CBLN2: variants seen among roughly 807,000 people sequenced by gnomAD.
CBLN2 encodes the protein cerebellin-2.
In CBLN2, 7 loss-of-function variants were observed where a neutral mutation model predicts 15.0. The ratio of observed to expected loss-of-function variants is 0.47; its 90% CI spans 0.27 to 0.88. The LOEUF (loss-of-function observed/expected upper bound fraction) is 0.88, where lower values mean the gene tolerates loss of function less well. CBLN2 is among the 40% of genes least tolerant of loss of function. CBLN2 has a pLI of 0.14. For missense variants in CBLN2, 242 were observed against 304.5 expected (o/e 0.79, Z 1.53); for synonymous variants, 149 against 135.2 (o/e 1.10, Z -0.71).
chr18:72,595,706 G>A (rs764705733), intron 1 of CBLN2, among the ~76,000 whole-genome samples: 2 of 152,090 alleles, frequency 1.3e-5, no homozygotes, highest in Non-Finnish European at 2.9e-5. Flanking sequence ...GTGCTCCAAT[G>A]TTGAGTGCAT....
chr18:72,592,046 G>C (rs2069483149), intron 1 of CBLN2, among the ~76,000 whole-genome samples: 1 of 151,968 alleles, frequency 6.6e-6, no homozygotes, highest in African/African-American at 2.4e-5. Context: ...TTAGTTTTTT[G>C]AAGAGGCTCT....
At chr18:72,603,209 A>G (rs1043365421) in intron 1 of CBLN2, among the ~76,000 whole-genome samples, 1 of 152,220 alleles carries the variant, frequency 6.6e-6, no homozygotes, top group Non-Finnish European at 1.5e-5. Context: ...TACAACGTGT[A>G]TTTGATTTTA....
At chr18:72,617,687 A>T (rs1048135702) in intron 1 of CBLN2, among the ~76,000 whole-genome samples, 2 of 152,186 alleles carry the variant, frequency 1.3e-5, no homozygotes, top group Non-Finnish European at 2.9e-5. Flanking sequence ...GAGTTGTACC[A>T]TATAGGATGC....
chr18:72,625,806 CTCTCTCTCTCTCTATATATATA>C (rs1364138784), intron 1 of CBLN2, among the ~76,000 whole-genome samples: 1 of 59,788 alleles, frequency 1.7e-5, no homozygotes, highest in Admixed American at 2.4e-4. Flanking sequence ...CTCTCTCTCT[CTCTCTCTCTCTCTATATATATA>C]TATATATATA....
upstream of CBLN2, among the ~76,000 whole-genome samples, chr18:72,545,130 G>A (rs560886388): frequency 4.6e-4 from 70 of 152,248 alleles, no homozygotes; most frequent in Admixed American, 9.2e-4. Context: ...GTCTTTTCAG[G>A]TAGGGGGTTT....
chr18:72,596,249 G>A (rs1346479897), intron 1 of CBLN2, among the ~76,000 whole-genome samples: 1 of 151,864 alleles, frequency 6.6e-6, no homozygotes, highest in African/African-American at 2.4e-5. Context: ...ATTTGAAACT[G>A]ATGACAATTA....
At chr18:72,614,821 T>C (rs1490638083) in intron 1 of CBLN2, among the ~76,000 whole-genome samples, 1 of 151,870 alleles carries the variant, frequency 6.6e-6, no homozygotes, top group Non-Finnish European at 1.5e-5. Context: ...CTCACCAAGC[T>C]AATGAAATTG....
chr18:72,556,519 A>G (rs2069227827), intron 1 of CBLN2, among the ~76,000 whole-genome samples: 2 of 152,340 alleles, frequency 1.3e-5, no homozygotes, highest in South Asian at 2.1e-4. Flanking sequence ...CCTCCTGCAC[A>G]CTTAGAAGGC....
At chr18:72,548,273 G>A (rs576988932), upstream of CBLN2, among the ~76,000 whole-genome samples, 2 of 152,282 alleles carry the variant, frequency 1.3e-5, no homozygotes, top group African/African-American at 4.8e-5. Context: ...GTTAATCCAA[G>A]TCAGAAGAAA....
At chr18:72,578,470 G>A (rs1179269798) in intron 1 of CBLN2, among the ~76,000 whole-genome samples, 1 of 152,144 alleles carries the variant, frequency 6.6e-6, no homozygotes, top group Non-Finnish European at 1.5e-5. Context: ...ACAAGGATGA[G>A]AATAACTTTC....
chr18:72,576,369 C>G (rs1286991948), intron 1 of CBLN2, among the ~76,000 whole-genome samples: 1 of 152,106 alleles, frequency 6.6e-6, no homozygotes, highest in Non-Finnish European at 1.5e-5. Context: ...AACATTGCAC[C>G]AAATAGAGGT....
At chr18:72,608,058 G>A (rs1181658663) in intron 1 of CBLN2, among the ~76,000 whole-genome samples, 1 of 152,022 alleles carries the variant, frequency 6.6e-6, no homozygotes, top group Non-Finnish European at 1.5e-5. Context: ...ATATCTGTAA[G>A]GTTTTTTTTC....
At chr18:72,591,257 A>G (rs926078797) in intron 1 of CBLN2, among the ~76,000 whole-genome samples, 1 of 152,232 alleles carries the variant, frequency 6.6e-6, no homozygotes, top group East Asian at 1.9e-4. Context: ...ATTTAAAGTG[A>G]TAAATATTAT....
upstream of CBLN2, among the ~76,000 whole-genome samples, chr18:72,546,709 G>GAT (rs1283847380): frequency 6.6e-6 from 1 of 152,124 alleles, no homozygotes; most frequent in Admixed American, 6.5e-5. Flanking sequence ...TTTTGTCTGG[G>GAT]ATATAACACG....
At chr18:72,560,242 T>A (rs2069251527) in intron 1 of CBLN2, among the ~76,000 whole-genome samples, 1 of 152,234 alleles carries the variant, frequency 6.6e-6, no homozygotes, top group Non-Finnish European at 1.5e-5. Flanking sequence ...TGCACCCAGA[T>A]GCAGGCCAGT....
At chr18:72,538,934 G>A in intron 3 of CBLN2, 162 bp from the exon 4 acceptor site, 1 of 722,172 alleles carries the variant, frequency 1.4e-6, no homozygotes, top group Non-Finnish European at 2.2e-6. Flanking sequence ...AGGCAGTGCT[G>A]AAGTTAAAAG....
intron 1 of CBLN2, among the ~76,000 whole-genome samples, chr18:72,582,280 T>C (rs1028081918): frequency 6.6e-6 from 1 of 152,224 alleles, no homozygotes; most frequent in African/African-American, 2.4e-5. Flanking sequence ...ATGAATGATT[T>C]AATTTGCAGG....
chr18:72,555,433 T>A (rs2069220274), intron 1 of CBLN2, among the ~76,000 whole-genome samples: 1 of 146,740 alleles, frequency 6.8e-6, no homozygotes. Context: ...TGTGTTTGAC[T>A]ATGTGTGTGT....
chr18:72,623,433 T>C (rs2069714207), intron 1 of CBLN2, among the ~76,000 whole-genome samples: 2 of 152,310 alleles, frequency 1.3e-5, no homozygotes, highest in South Asian at 4.1e-4. Context: ...ATCAGGTCAC[T>C]ATCCTCCAAA....
Sources: allele counts gnomAD v4.1 joint callset (sites outside exome capture counted in the v4.1 genomes callset), GRCh38; gene constraint gnomAD v4.1.1; transcripts MANE v1.5; gene names NCBI Gene and HGNC (gene_info 2026-07-23, HGNC 2026-07-21).